EVA1C: variants seen among roughly 807,000 people sequenced by gnomAD.
The protein encoded by EVA1C is eva-1 homolog C, also known as protein eva-1 homolog C.
In EVA1C, 25 loss-of-function variants were observed where a neutral mutation model predicts 45.4. The observed-to-expected ratio is 0.55, with a 90% CI of 0.40 to 0.77. The LOEUF (loss-of-function observed/expected upper bound fraction) is 0.77. Ranked by LOEUF, EVA1C falls within the 30% of genes least tolerant of loss-of-function variation. EVA1C has a pLI of 0.00. For missense variants in EVA1C, 479 were observed against 554.8 expected, an observed-to-expected ratio of 0.86 and a Z score of 1.37; for synonymous variants, 190 against 221.2, an observed-to-expected ratio of 0.86 and a Z score of 1.25.
intron 1 of EVA1C, among the ~76,000 whole-genome samples, chr21:32,437,466 C>A (rs2035003906): frequency 6.6e-6 from 1 of 152,196 alleles, no homozygotes; most frequent in Non-Finnish European, 1.5e-5. Context: ...GCACTGCAAT[C>A]CAACCAGCAT....
intron 7 of EVA1C, among the ~76,000 whole-genome samples, chr21:32,509,358 G>A (rs535994396): frequency 1.1e-4 from 16 of 152,340 alleles, no homozygotes; most frequent in South Asian, 4.1e-4. Flanking sequence ...CTTAAAGAGC[G>A]CTCACTTAGC....
intron 3 of EVA1C, among the ~76,000 whole-genome samples, chr21:32,458,861 C>T (rs1235690658): frequency 2.6e-5 from 4 of 152,108 alleles, no homozygotes; most frequent in South Asian, 4.2e-4. Context: ...TGTTAGCTCC[C>T]GCCCTGGTTC....
intron 1 of EVA1C, among the ~76,000 whole-genome samples, chr21:32,449,812 G>A (rs8127504): frequency 0.19 from 28,697 of 151,722 alleles, 3,831 homozygotes; most frequent in African/African-American, 0.37. Flanking sequence ...TAGTAGAGAC[G>A]GAATTTCACC....
intron 5 of EVA1C, among the ~76,000 whole-genome samples, chr21:32,498,171 G>A (rs539912399): frequency 6.8e-4 from 104 of 152,354 alleles, no homozygotes; most frequent in African/African-American, 2.4e-3. Context: ...ACACGGCCAG[G>A]TGCGGTGGCT....
chr21:32,489,204 C>T (rs1029043931), intron 4 of EVA1C, among the ~76,000 whole-genome samples: 1 of 152,160 alleles, frequency 6.6e-6, no homozygotes, highest in Non-Finnish European at 1.5e-5. Flanking sequence ...GGGATTTCTT[C>T]TAGGAGTTTT....
intron 4 of EVA1C, among the ~76,000 whole-genome samples, chr21:32,492,316 G>A (rs1370295845): frequency 6.6e-6 from 1 of 152,116 alleles, no homozygotes; most frequent in Non-Finnish European, 1.5e-5. Flanking sequence ...TCTCCTCAAA[G>A]GGATCAGTTT....
intron 6 of EVA1C, among the ~76,000 whole-genome samples, chr21:32,502,290 G>T (rs35149622): frequency 9.9e-5 from 15 of 151,828 alleles, no homozygotes; most frequent in Non-Finnish European, 1.9e-4. Context: ...GTAGAGACGG[G>T]GTTTCACCAT....
intron 1 of EVA1C, among the ~76,000 whole-genome samples, chr21:32,419,989 T>G (rs2034202140): frequency 6.6e-6 from 1 of 152,174 alleles, no homozygotes; most frequent in Non-Finnish European, 1.5e-5. Context: ...GCTGACCAAG[T>G]GATTCTGGTG....
Position 32,515,197 on chromosome 21 carries a change from C to T in EVA1C, c.*7C>T, listed in dbSNP as rs201021964. On this transcript the variant is annotated 3_prime_UTR_variant, in exon 8 of 8. Transcript: ENST00000300255. ...CATGGGCCAGTTCTACTGAAAACCA[C>T]ATGCATCTTGATGCGATCGCACTTT... is the stretch of plus-strand genomic sequence containing the variant. The T allele has an allele frequency of 6.4e-6, 10 of 1,568,918 alleles. No individual in the cohort carries two copies. Among genetic ancestry groups the T allele is most frequent in the Non-Finnish European group, 8.7e-6 (10 of 1,154,360 alleles).
chr21:32,417,372 A>T (rs1226092145), intron 1 of EVA1C, among the ~76,000 whole-genome samples: 1 of 152,184 alleles, frequency 6.6e-6, no homozygotes, highest in East Asian at 1.9e-4. Context: ...TCCCTGCTGT[A>T]TCTTCACATG....
chr21:32,509,430 G>A (rs1242760565), intron 7 of EVA1C, among the ~76,000 whole-genome samples: 3 of 152,216 alleles, frequency 2.0e-5, no homozygotes, highest in Non-Finnish European at 4.4e-5. Context: ...CTCCTGGCAG[G>A]AGAACCCAGA....
chr21:32,457,908 G>A (rs557700304), intron 3 of EVA1C, among the ~76,000 whole-genome samples, 188 bp downstream of exon 3: 1 of 152,332 alleles, frequency 6.6e-6, no homozygotes, highest in African/African-American at 2.4e-5. Flanking sequence ...GAAAGAGAGA[G>A]AGATTTTGTG....
chr21:32,492,251 G>T (rs942629666), intron 4 of EVA1C, among the ~76,000 whole-genome samples: 1 of 152,088 alleles, frequency 6.6e-6, no homozygotes, highest in African/African-American at 2.4e-5. Context: ...CAGAGATAGG[G>T]AAGGATTAGG....
At position 32,515,211 on chromosome 21, in the gene EVA1C, C is replaced by T. The variant is rs532262245; in HGVS notation, c.*21C>T. On this transcript the variant is annotated 3_prime_UTR_variant, in exon 8 of 8. Coordinates refer to ENST00000300255, the MANE Select transcript of EVA1C (RefSeq NM_058187.5). ...ACTGAAAACCACATGCATCTTGATG[C>T]GATCGCACTTTCTGAAGAAGGAAGG... The T allele has an allele frequency of 8.4e-6, 13 of 1,539,640 alleles. No homozygotes were observed. The highest frequency in any genetic ancestry group is 4.6e-5 in the East Asian group (2 of 43,946).
chr21:32,418,676 G>C (rs111878808), intron 1 of EVA1C, among the ~76,000 whole-genome samples: 1,880 of 152,278 alleles, frequency 0.012, 40 homozygotes, highest in African/African-American at 0.043. Flanking sequence ...TCCAGCACCA[G>C]GGCTGGCCAG....
At chr21:32,454,706 A>G (rs1023446113) in intron 2 of EVA1C, among the ~76,000 whole-genome samples, 7 of 152,100 alleles carry the variant, frequency 4.6e-5, no homozygotes, top group East Asian at 1.9e-4. Context: ...ACCGTAGGAA[A>G]TATGGATAAA....
chr21:32,498,762 C>G (rs2146421830), intron 5 of EVA1C, among the ~76,000 whole-genome samples: 1 of 152,206 alleles, frequency 6.6e-6, no homozygotes, highest in Admixed American at 6.5e-5. Context: ...GAAGATGGCC[C>G]TGGTTTAAAC....
intron 7 of EVA1C, among the ~76,000 whole-genome samples, chr21:32,512,537 A>T (rs578212465): frequency 6.6e-6 from 1 of 152,038 alleles, no homozygotes; most frequent in African/African-American, 2.4e-5. Context: ...TGCCCTGGGT[A>T]CCCGGCCCCT....
intron 7 of EVA1C, among the ~76,000 whole-genome samples, chr21:32,507,055 T>C (rs750459551): frequency 5.3e-4 from 80 of 152,154 alleles, no homozygotes; most frequent in Non-Finnish European, 2.5e-4. Flanking sequence ...CCAGTGTACA[T>C]GGGGACAAGG....
Sources: allele counts gnomAD v4.1 joint callset (sites outside exome capture counted in the v4.1 genomes callset), GRCh38; gene constraint gnomAD v4.1.1; transcripts MANE v1.5; gene names NCBI Gene and HGNC (gene_info 2026-07-23, HGNC 2026-07-21).